The following SUPT5H variants were observed in gnomAD, a reference collection of about 807,000 sequenced individuals.
The protein encoded by SUPT5H is transcription elongation factor SPT5.
Under a neutral mutation model 142.5 loss-of-function variants are expected in SUPT5H, and 24 were observed. That is an observed-to-expected ratio of 0.17 (90% CI 0.12 to 0.24). The LOEUF (loss-of-function observed/expected upper bound fraction) is 0.24, where lower values mean the gene tolerates loss of function less well. Ranked by LOEUF, SUPT5H falls within the 10% of genes least tolerant of loss-of-function variation. SUPT5H has a pLI of 1.00. For synonymous variants in SUPT5H, 546 were observed against 553.0 expected (o/e 0.99, Z 0.18); for missense variants, 893 against 1,471.8 (o/e 0.61, Z 6.43).
intron 10 of SUPT5H, among the ~76,000 whole-genome samples, chr19:39,461,260 A>G (rs1365986842): frequency 6.6e-6 from 1 of 151,956 alleles, no homozygotes; most frequent in Non-Finnish European, 1.5e-5. Flanking sequence ...ATTGCACTCC[A>G]GCCTGGGCGA....
At chr19:39,461,236 G>C (rs34784914) in intron 10 of SUPT5H, among the ~76,000 whole-genome samples, 4,434 of 152,176 alleles carry the variant, frequency 0.029, 84 homozygotes, top group Middle Eastern at 0.085. Flanking sequence ...GTTACAGTGA[G>C]CCAAGACTGC....
At chr19:39,452,717 T>C (rs2079036056) in intron 2 of SUPT5H, among the ~76,000 whole-genome samples, 1 of 151,778 alleles carries the variant, frequency 6.6e-6, no homozygotes, top group Non-Finnish European at 1.5e-5. Context: ...AGTTGTAGAA[T>C]GGGAAGAGAT....
chr19:39,459,801 C>T (rs2079137761), intron 9 of SUPT5H, 91 bp from the exon 10 acceptor site: 2 of 1,453,280 alleles, frequency 1.4e-6, no homozygotes, highest in African/African-American at 1.4e-5. Flanking sequence ...CTTGGTCCTA[C>T]TTTATTTTTC....
intron 13 of SUPT5H, chr19:39,468,218 C>T (rs1353198356): frequency 1.3e-5 from 2 of 155,450 alleles, no homozygotes; most frequent in Non-Finnish European, 2.9e-5. Flanking sequence ...TGGCTTGGCA[C>T]CCTTGGGCAT....
intron 10 of SUPT5H, among the ~76,000 whole-genome samples, chr19:39,463,829 C>G (rs1197596086): frequency 6.6e-6 from 1 of 152,138 alleles, no homozygotes; most frequent in East Asian, 1.9e-4. Flanking sequence ...TATTTTGAGG[C>G]TCTGTTAGTT....
Position 39,476,590 on chromosome 19 carries a change from TCCC to T in SUPT5H, c.*193_*195del. On this transcript the variant is annotated 3_prime_UTR_variant, in exon 30 of 30. Coordinates refer to ENST00000432763, the MANE Select transcript of SUPT5H (RefSeq NM_001111020.3). ...AATCTGAGTAGAGTCTGGGGGAGGG[TCCC>T]CACCTTCCTGTACCTCCTCCCCACA... 1.4e-6 allele frequency: 1 copy of T among 689,792 alleles called. No individual in the cohort carries two copies. The highest frequency in any genetic ancestry group is 2.4e-6 in the Non-Finnish European group (1 of 422,822). 42.7% of individuals were successfully genotyped at this position (689,792 alleles called of 1,614,324 possible).
Position 39,458,056 on chromosome 19 carries a change from C to T in SUPT5H, c.308-238C>T, listed in dbSNP as rs2079113696. 1 of 758,638 alleles carries T rather than the reference C, an allele frequency of 1.3e-6. No individual in the cohort carries two copies. Among genetic ancestry groups the T allele is most frequent in the Non-Finnish European group, 2.1e-6 (1 of 476,360 alleles). The allele number at this position is 758,638 out of a possible 1,614,324, so 47.0% of individuals were successfully genotyped here. A position where few individuals can be genotyped will look rare whatever the true frequency, so the allele number is the denominator to read the frequency against. On this transcript the variant is annotated intron_variant, in intron 4 of 29. Coordinates refer to ENST00000432763, the MANE Select transcript of SUPT5H (RefSeq NM_001111020.3). The surrounding 1 kb of genome is among the most constrained non-coding windows in gnomAD (Gnocchi z 4.2). ...CCCCCCACTTCCTGGGCCAGTGCCC[C>T]CCTTTCCCCGTTATTTTCCGTTCTG...
chr19:39,459,580 C>G lies in SUPT5H; in HGVS notation c.546C>G (p.Val182=). The G allele has an allele frequency of 6.2e-7, 1 of 1,613,848 alleles. No homozygotes were observed. The highest frequency in any genetic ancestry group is 8.5e-7 in the Non-Finnish European group (1 of 1,179,932). ...PGVKDPNLWT[V]KCKIGEERAT... ...TTAGGGATCCCAATCTGTGGACTGT[C>G]AAATGTAAGGTATGTGCTCTGATCT... Residue 182 remains valine (V), a synonymous_variant, in exon 9 of 30, where the codon GTC becomes GTG. Coordinates refer to ENST00000432763, the MANE Select transcript of SUPT5H (RefSeq NM_001111020.3).
At chr19:39,453,693 T>C (rs1275939636) in intron 3 of SUPT5H, among the ~76,000 whole-genome samples, 172 bp downstream of exon 3, 1 of 152,164 alleles carries the variant, frequency 6.6e-6, no homozygotes, top group Admixed American at 6.5e-5. Context: ...GCCTCCTGAA[T>C]AGCTGGGACT....
Position 39,473,691 on chromosome 19 carries a change from C to T in SUPT5H, c.2492+170C>T, listed in dbSNP as rs544462258. Among the ~76,000 whole-genome samples, 19 of 152,250 alleles carry T rather than the reference C, an allele frequency of 1.2e-4. No individual in the cohort carries two copies. Among genetic ancestry groups the T allele is most frequent in the South Asian group, 4.1e-4 (2 of 4,830 alleles). On this transcript the variant is annotated intron_variant, in intron 25 of 29. Coordinates refer to ENST00000432763, the MANE Select transcript of SUPT5H (RefSeq NM_001111020.3). This position sits in a 1 kb window ranked among gnomAD's most constrained non-coding sequence, Gnocchi z 5.8. ...ATAGCATGGCGGGGCGGGGGCAAAGCGGCCTCCTCTCCATCCCCAACCTCA... is the reference window on the plus strand; with the variant it reads ...ATAGCATGGCGGGGCGGGGGCAAAGTGGCCTCCTCTCCATCCCCAACCTCA...
At position 39,466,623 on chromosome 19, in the gene SUPT5H, G is replaced by A. The variant is rs2079241348; in HGVS notation, c.967-52G>A. ...GGAGGGAGTGTGCTCGATCCCACTG[G>A]TGGCCAAGCCCCCTCCCTCACCCTT... On this transcript the variant is annotated intron_variant, in intron 12 of 29. Transcript: ENST00000432763. The surrounding 1 kb of genome is among the most constrained non-coding windows in gnomAD (Gnocchi z 4.3). 2 of 1,613,598 alleles carry A rather than the reference G, an allele frequency of 1.2e-6. No homozygotes were observed. The highest frequency in any genetic ancestry group is 1.7e-5 in the Admixed American group (1 of 60,026).
intron 3 of SUPT5H, among the ~76,000 whole-genome samples, chr19:39,455,925 CTTTTTTT>C (rs34762912): frequency 1.1e-5 from 1 of 91,152 alleles, no homozygotes; most frequent in Non-Finnish European, 2.0e-5. Context: ...CCCGCCTCTT[CTTTTTTT>C]TTTTTTTTTT....
intron 4 of SUPT5H, 113 bp downstream of exon 4, chr19:39,457,853 C>G (rs1568422806): frequency 1.3e-6 from 2 of 1,521,096 alleles, no homozygotes; most frequent in Non-Finnish European, 1.8e-6. Context: ...TCCCACCGTC[C>G]TCACCTTGCT....
At chr19:39,457,173 C>T (rs572440702) in intron 3 of SUPT5H, among the ~76,000 whole-genome samples, 112 of 152,262 alleles carry the variant, frequency 7.4e-4, no homozygotes, top group South Asian at 2.1e-3. Flanking sequence ...GGTCTCAGAG[C>T]CTTTGCTGTA....
rs1600725264 is a variant in SUPT5H at position 39,472,872 on chromosome 19, C to T, written c.2098C>T (p.Arg700Trp). Residue 700 changes from arginine to tryptophan, a missense_variant, in exon 22 of 30, where the codon CGG (arginine) becomes TGG (tryptophan). By Grantham distance (101) the Arg-to-Trp change is moderately radical. Coordinates refer to ENST00000432763, the MANE Select transcript of SUPT5H (RefSeq NM_001111020.3). The surrounding 1 kb of genome is among the most constrained non-coding windows in gnomAD (Gnocchi z 4.2). ...GSGGMSRGRG[R>W]RDNELIGQTV... is the part of the protein sequence containing the mutation. ...TGGTGGCATGAGCAGGGGCCGGGGCCGGAGGGACAACGAACTCATCGGCCA... is the reference window on the plus strand; with the variant it reads ...TGGTGGCATGAGCAGGGGCCGGGGCTGGAGGGACAACGAACTCATCGGCCA... 5 of 1,613,806 alleles carry T rather than the reference C, an allele frequency of 3.1e-6. No homozygotes were observed. Among genetic ancestry groups the T allele is most frequent in the South Asian group, 2.2e-5 (2 of 91,062 alleles).
chr19:39,451,304 T>C (rs1054296798), intron 2 of SUPT5H, among the ~76,000 whole-genome samples: 1 of 149,004 alleles, frequency 6.7e-6, no homozygotes, highest in Non-Finnish European at 1.5e-5. Flanking sequence ...TCCTCCTGCC[T>C]CAGCCTCCCA....
Position 39,472,455 on chromosome 19 carries a change from G to A in SUPT5H, c.1997G>A (p.Ser666Asn), listed in dbSNP as rs761789869. The A allele has an allele frequency of 6.2e-7, 1 of 1,614,104 alleles. No homozygotes were observed. Residue 666 changes from serine to asparagine, a missense_variant, in exon 21 of 30, where the codon AGT becomes AAT. This residue lies in a region of SUPT5H where 428 missense variants were observed against 763.5 expected (regional missense o/e 0.56). Transcript: ENST00000432763. The surrounding 1 kb of genome is among the most constrained non-coding windows in gnomAD (Gnocchi z 4.2). Reference sequence around the variant, plus strand: ...ACCGTGGGTGGCTTTGCGCCTATGAGTCCCCGGATCAGCAGCCCCATGCAC... The same window carrying A: ...ACCGTGGGTGGCTTTGCGCCTATGAATCCCCGGATCAGCAGCCCCATGCAC... ...NFTVGGFAPMSPRISSPMHPS... is the reference protein window; with the variant it reads ...NFTVGGFAPMNPRISSPMHPS...
At chr19:39,459,519 C>T (rs370030406) in intron 8 of SUPT5H, 40 bp from the exon 9 acceptor site, 1 of 1,612,246 alleles carries the variant, frequency 6.2e-7, no homozygotes, top group Non-Finnish European at 8.5e-7. Context: ...TACTGAAGAT[C>T]CAGCTTCACT....
intron 2 of SUPT5H, among the ~76,000 whole-genome samples, chr19:39,446,448 G>C (rs1462849982): frequency 6.6e-6 from 1 of 152,208 alleles, no homozygotes; most frequent in African/African-American, 2.4e-5. Context: ...GAGAGTCCTG[G>C]TTGCTCTTGA....
Sources: allele counts gnomAD v4.1 joint callset (sites outside exome capture counted in the v4.1 genomes callset), GRCh38; gene constraint gnomAD v4.1.1; regional missense constraint gnomAD v4.1.1; non-coding constraint Gnocchi (gnomAD v3.1); transcripts MANE v1.5; gene names NCBI Gene and HGNC (gene_info 2026-07-23, HGNC 2026-07-21).